The following CASZ1 variants were observed in gnomAD, a reference collection of about 807,000 sequenced individuals.
CASZ1 encodes the protein zinc finger protein castor homolog 1.
In CASZ1, 28 loss-of-function variants were observed where a neutral mutation model predicts 135.2. The observed-to-expected ratio is 0.21, with a 90% CI of 0.15 to 0.28. The LOEUF is 0.28. CASZ1 is among the 10% of genes least tolerant of loss of function. CASZ1 has a pLI of 1.00. For synonymous variants in CASZ1, 1,068 were observed against 1,073.4 expected, an observed-to-expected ratio of 0.99 and a Z score of 0.10; for missense variants, 2,161 against 2,453.3, an observed-to-expected ratio of 0.88 and a Z score of 2.52.
At chr1:10,685,759 C>A (rs890463652) in intron 4 of CASZ1, among the ~76,000 whole-genome samples, 1 of 152,258 alleles carries the variant, frequency 6.6e-6, no homozygotes, top group African/African-American at 2.4e-5. Flanking sequence ...CAGCCTCCCC[C>A]TGTCCACTCC....
intron 1 of CASZ1, among the ~76,000 whole-genome samples, chr1:10,785,248 T>C (rs529296123): frequency 1.5e-5 from 2 of 137,372 alleles, no homozygotes; most frequent in South Asian, 4.8e-4. Flanking sequence ...TCCTTCCTTC[T>C]CATCTTTTTC....
chr1:10,701,522 T>G lies in CASZ1; in HGVS notation c.-24+3970A>C, dbSNP rs1391796498. Reference sequence around the variant, plus strand: ...AAGCTCGCCCTTCAGAGTGATGGAGTGATGGGAGGAGGGGGGGCGCGGTCA... The same window carrying G: ...AAGCTCGCCCTTCAGAGTGATGGAGGGATGGGAGGAGGGGGGGCGCGGTCA... On this transcript the variant is annotated intron_variant, in intron 3 of 20. Coordinates refer to ENST00000377022, the MANE Select transcript of CASZ1 (RefSeq NM_001079843.3). The surrounding 1 kb of genome is among the most constrained non-coding windows in gnomAD (Gnocchi z 6.3). Among the ~76,000 whole-genome samples the G allele has an allele frequency of 6.6e-6, 1 of 151,390 alleles. No individual in the cohort carries two copies.
In CASZ1 at chr1:10,683,904, G is replaced by A. The variant is rs79402282; in HGVS notation, c.16+9970C>T. Among the ~76,000 whole-genome samples, 1,376 of 152,334 alleles carry A rather than the reference G, an allele frequency of 9.0e-3. 19 individuals carry two copies. Among genetic ancestry groups the A allele is most frequent in the African/African-American group, 0.03 (1,229 of 41,576 alleles). On this transcript the variant is annotated intron_variant, in intron 4 of 20. Coordinates refer to ENST00000377022, the MANE Select transcript of CASZ1 (RefSeq NM_001079843.3). ...TACACATCGGGGCCAGAGATGTTTG[G>A]GGACGTGGGCCAGGCAGCACGGTAG...
intron 5 of CASZ1, chr1:10,661,053 T>G: frequency 5.6e-6 from 1 of 178,344 alleles, no homozygotes; most frequent in South Asian, 1.2e-4. Context: ...ACCCCACAAA[T>G]GGATCCCCTG....
At chr1:10,732,047 A>G (rs1639710561) in intron 2 of CASZ1, among the ~76,000 whole-genome samples, 1 of 152,036 alleles carries the variant, frequency 6.6e-6, no homozygotes, top group African/African-American at 2.4e-5. Flanking sequence ...CATGCAGGCC[A>G]GGCATGATGA....
chr1:10,729,194 A>G (rs1431371661), intron 2 of CASZ1, among the ~76,000 whole-genome samples: 1 of 152,006 alleles, frequency 6.6e-6, no homozygotes, highest in Non-Finnish European at 1.5e-5. Context: ...CCAATGGGAA[A>G]CTAGGCCGCT....
intron 7 of CASZ1, chr1:10,658,033 C>G (rs991799132): frequency 6.5e-6 from 1 of 153,224 alleles, no homozygotes; most frequent in Non-Finnish European, 1.4e-5. Flanking sequence ...GGGTCTCACT[C>G]TGTTGCCCAG....
intron 1 of CASZ1, among the ~76,000 whole-genome samples, chr1:10,765,418 C>T (rs900111449): frequency 2.6e-5 from 4 of 151,978 alleles, no homozygotes; most frequent in African/African-American, 4.8e-5. Context: ...AAAAAATCCA[C>T]ATCTTAATAC....
intron 3 of CASZ1, among the ~76,000 whole-genome samples, chr1:10,703,379 C>T (rs1231673782): frequency 6.6e-6 from 1 of 152,126 alleles, no homozygotes; most frequent in African/African-American, 2.4e-5. Flanking sequence ...TCCCACCCAC[C>T]ACCTATAGGC....
chr1:10,792,343 C>A (rs1311408992), intron 1 of CASZ1, among the ~76,000 whole-genome samples: 1 of 22,088 alleles, frequency 4.5e-5, no homozygotes, highest in Non-Finnish European at 1.0e-4. Flanking sequence ...CCCCCCCCGG[C>A]CCCGCACACA....
At position 10,658,510 on chromosome 1, in the gene CASZ1, G is replaced by A. The variant is rs1319165556; in HGVS notation, c.1407C>T (p.Ala469=). 2 of 1,613,466 alleles carry A rather than the reference G, an allele frequency of 1.2e-6. No homozygotes were observed. Among genetic ancestry groups the A allele is most frequent in the Non-Finnish European group, 1.7e-6 (2 of 1,179,486 alleles). ...CAGGCTCCTCCCCAGGGGCCTACCT[G>A]GCAATATATTTCTGGTAAATGTTTA... is the stretch of plus-strand genomic sequence containing the variant. ...EDVNIYQKYI[A]RFSGSQHCGH... The change falls in exon 7 of 21, where the codon GCC becomes GCT. Residue 469 remains alanine (A), a splice_region_variant and synonymous_variant. Transcript: ENST00000377022.
In CASZ1 at chr1:10,781,472, G is replaced by A. The variant is rs565265379; in HGVS notation, c.-234+15092C>T. 2.4e-4 allele frequency among the ~76,000 whole-genome samples: 36 copies of A among 152,306 alleles called. No homozygotes were observed. The South Asian group carries it at 7.5e-3, about 32-fold the overall frequency. On this transcript the variant is annotated intron_variant, in intron 1 of 20. Transcript: ENST00000377022. Reference sequence around the variant, plus strand: ...GGCAGGCAGTCCAGGCCAGCCCAGGGACTGCCACCTGCACGTCCAACAGCT... The same window carrying A: ...GGCAGGCAGTCCAGGCCAGCCCAGGAACTGCCACCTGCACGTCCAACAGCT...
chr1:10,709,409 G>A lies in CASZ1; in HGVS notation c.-76-3865C>T, dbSNP rs189638272. ...GAGGAGGGGGGCGGCATAGACAACA[G>A]GGGCAGCGTCATGGAAACGGGCACT... On this transcript the variant is annotated intron_variant, in intron 2 of 20. Transcript: ENST00000377022. This position sits in a 1 kb window ranked among gnomAD's most constrained non-coding sequence, Gnocchi z 5.1. 5.1e-4 allele frequency among the ~76,000 whole-genome samples: 78 copies of A among 152,334 alleles called. 1 individual carries two copies. The East Asian group carries it at 0.014, about 27-fold the overall frequency.
intron 1 of CASZ1, among the ~76,000 whole-genome samples, chr1:10,773,518 C>T (rs537549195): frequency 5.3e-5 from 8 of 152,002 alleles, no homozygotes; most frequent in African/African-American, 1.2e-4. Context: ...AATGGGCGAG[C>T]GGGGGTTCCG....
At position 10,655,672 on chromosome 1, in the gene CASZ1, T is replaced by C. The variant is rs780166701; in HGVS notation, c.1642A>G (p.Ser548Gly). ...ACCTGCATGCAGTGATAGTGGGTGCTCTTCCCATTGAGGTGGCAGCCGTGG... is the reference window on the plus strand; with the variant it reads ...ACCTGCATGCAGTGATAGTGGGTGCCCTTCCCATTGAGGTGGCAGCCGTGG... ...YYHGCHLNGKSTHYHCMQVGC... is the reference protein window; with the variant it reads ...YYHGCHLNGKGTHYHCMQVGC... Residue 548 changes from serine (S) to glycine (G), a missense_variant, in exon 9 of 21, where the codon AGC becomes GGC. Physicochemically the swap from Ser to Gly is moderately conservative, Grantham distance 56 (BLOSUM62 0). This residue lies in a region of CASZ1 where 248 missense variants were observed against 410.8 expected (regional missense o/e 0.60). Coordinates refer to ENST00000377022, the MANE Select transcript of CASZ1 (RefSeq NM_001079843.3). The C allele has an allele frequency of 6.2e-7, 1 of 1,613,760 alleles. No individual in the cohort carries two copies. The highest frequency in any genetic ancestry group is 8.5e-7 in the Non-Finnish European group (1 of 1,179,822).
chr1:10,663,294 G>A (rs1446928887), intron 5 of CASZ1, among the ~76,000 whole-genome samples: 5 of 152,282 alleles, frequency 3.3e-5, no homozygotes, highest in African/African-American at 1.2e-4. Flanking sequence ...GCGGGATGTG[G>A]AAGGAGAGGC....
rs1051534535 is a variant in CASZ1, at chr1:10,701,697, C to T, written c.-24+3795G>A. Reference sequence around the variant, plus strand: ...TCCCATCTTGTCGTGAATGAAGACTCGGCCGATCAGGCTGCTGGTTTGAGG... The same window carrying T: ...TCCCATCTTGTCGTGAATGAAGACTTGGCCGATCAGGCTGCTGGTTTGAGG... On this transcript the variant is annotated intron_variant, in intron 3 of 20. Transcript: ENST00000377022. The surrounding 1 kb of genome is among the most constrained non-coding windows in gnomAD (Gnocchi z 6.3). Among the ~76,000 whole-genome samples the T allele has an allele frequency of 1.2e-4, 18 of 152,196 alleles. No homozygotes were observed. The highest frequency in any genetic ancestry group is 2.2e-4 in the African/African-American group (9 of 41,448).
At chr1:10,648,195 G>T in intron 15 of CASZ1, 56 bp from the exon 16 acceptor site, 1 of 1,277,808 alleles carries the variant, frequency 7.8e-7, no homozygotes, top group Non-Finnish European at 1.1e-6. Flanking sequence ...GGTGTGGAGG[G>T]GCATGCATGT....
intron 2 of CASZ1, among the ~76,000 whole-genome samples, chr1:10,749,703 T>C (rs1323197952): frequency 6.6e-6 from 1 of 152,178 alleles, no homozygotes; most frequent in African/African-American, 2.4e-5. Context: ...TTCCAGTTTC[T>C]CTTCTTACTT....
Sources: allele counts gnomAD v4.1 joint callset (sites outside exome capture counted in the v4.1 genomes callset), GRCh38; gene constraint gnomAD v4.1.1; regional missense constraint gnomAD v4.1.1; non-coding constraint Gnocchi (gnomAD v3.1); transcripts MANE v1.5; gene names NCBI Gene and HGNC (gene_info 2026-07-23, HGNC 2026-07-21).